SCAMP1: variants seen among roughly 807,000 people sequenced by gnomAD.
SCAMP1 encodes the protein secretory carrier membrane protein 1.
A neutral mutation model predicts 41.8 loss-of-function variants in SCAMP1; 15 were observed. The observed-to-expected ratio is 0.36, with a 90% CI of 0.24 to 0.55. SCAMP1 has a LOEUF of 0.55. Ranked by LOEUF, SCAMP1 falls within the 20% of genes least tolerant of loss-of-function variation. The pLI is 0.86. For synonymous variants in SCAMP1, 135 were observed against 136.8 expected, an observed-to-expected ratio of 0.99 and a Z score of 0.09; for missense variants, 341 against 412.6, an observed-to-expected ratio of 0.83 and a Z score of 1.50.
At chr5:78,468,103 C>T (rs185315955) in intron 8 of SCAMP1, among the ~76,000 whole-genome samples, 8 of 152,146 alleles carry the variant, frequency 5.3e-5, no homozygotes, top group East Asian at 3.9e-4. Flanking sequence ...TTGGTAATTT[C>T]GTTGGCTTTC....
chr5:78,396,361 G>T (rs570858624), intron 2 of SCAMP1, among the ~76,000 whole-genome samples: 47 of 152,238 alleles, frequency 3.1e-4, no homozygotes, highest in African/African-American at 1.1e-3. Flanking sequence ...AGGGATATAT[G>T]GAAAATCTCT....
chr5:78,432,104 C>T (rs988704222), intron 6 of SCAMP1, among the ~76,000 whole-genome samples: 2 of 152,026 alleles, frequency 1.3e-5, no homozygotes, highest in African/African-American at 2.4e-5. Flanking sequence ...TCTACCTCTC[C>T]GGTGCCCTGG....
chr5:78,449,607 A>G (rs906970851), intron 6 of SCAMP1, among the ~76,000 whole-genome samples: 3 of 152,182 alleles, frequency 2.0e-5, no homozygotes, highest in African/African-American at 7.2e-5. Flanking sequence ...TTGTGTGTTG[A>G]TTGTAATTCT....
intron 1 of SCAMP1, among the ~76,000 whole-genome samples, chr5:78,373,687 C>G (rs1461237419): frequency 6.6e-6 from 1 of 152,006 alleles, no homozygotes; most frequent in African/African-American, 2.4e-5. Context: ...TCATGTAGTT[C>G]CTATAGCTCA....
chr5:78,466,295 C>T (rs1187887416), intron 8 of SCAMP1, among the ~76,000 whole-genome samples: 1 of 152,106 alleles, frequency 6.6e-6, no homozygotes, highest in Admixed American at 6.5e-5. Flanking sequence ...TGGTGGGCCC[C>T]CCAATTCAGT....
At chr5:78,427,589 CGT>C (rs1752499733) in intron 6 of SCAMP1, among the ~76,000 whole-genome samples, 1 of 151,852 alleles carries the variant, frequency 6.6e-6, no homozygotes, top group Non-Finnish European at 1.5e-5. Flanking sequence ...TTTTTTAAAA[CGT>C]GTCTAAATTT....
intron 8 of SCAMP1, among the ~76,000 whole-genome samples, chr5:78,474,952 G>T (rs778718583): frequency 6.6e-6 from 1 of 152,072 alleles, no homozygotes; most frequent in Non-Finnish European, 1.5e-5. Flanking sequence ...CATTCTTTAG[G>T]ACTTGACCAT....
At chr5:78,374,689 G>A (rs750036023) in intron 1 of SCAMP1, among the ~76,000 whole-genome samples, 2 of 151,922 alleles carry the variant, frequency 1.3e-5, no homozygotes, top group Non-Finnish European at 2.9e-5. Flanking sequence ...TCTATAGAGT[G>A]TACTCGATAA....
chr5:78,443,586 G>A (rs1289646098), intron 6 of SCAMP1, among the ~76,000 whole-genome samples: 2 of 149,272 alleles, frequency 1.3e-5, no homozygotes, highest in Non-Finnish European at 3.0e-5. Flanking sequence ...TAGGTGGGAA[G>A]AAGAGAGTTC....
intron 6 of SCAMP1, among the ~76,000 whole-genome samples, chr5:78,434,372 A>G (rs1310338267): frequency 1.3e-5 from 2 of 152,170 alleles, no homozygotes; most frequent in African/African-American, 4.8e-5. Context: ...TGATTTTGCA[A>G]ATGAATGTTT....
intron 7 of SCAMP1, among the ~76,000 whole-genome samples, chr5:78,450,829 T>G (rs1312630069): frequency 1.3e-5 from 2 of 152,236 alleles, no homozygotes; most frequent in African/African-American, 4.8e-5. Context: ...GACTTACATT[T>G]AGTATTCTGC....
intron 1 of SCAMP1, chr5:78,361,008 C>T: frequency 2.4e-6 from 1 of 412,272 alleles, no homozygotes; most frequent in Non-Finnish European, 4.4e-6. Context: ...TGGGCCCGCG[C>T]GCCCGGAGGG....
rs78441599 is a variant in SCAMP1 at position 78,419,409 on chromosome 5, CT to C, written c.472+508del. Among the ~76,000 whole-genome samples, 123 of 152,256 alleles carry C rather than the reference CT, an allele frequency of 8.1e-4. 3 individuals are homozygous for C. The East Asian group carries it at 0.01, about 12-fold the overall frequency. On this transcript the variant is annotated intron_variant, in intron 5 of 8. Transcript: ENST00000621999. The stretch of plus-strand genomic sequence containing the variant: ...TGCGATACTTTTATTATTGAAAGTG[CT>C]TAATTAATACAGGACATTTTGTTGA...
At chr5:78,379,720 T>C (rs1255844544) in intron 1 of SCAMP1, among the ~76,000 whole-genome samples, 1 of 152,172 alleles carries the variant, frequency 6.6e-6, no homozygotes, top group Admixed American at 6.5e-5. Flanking sequence ...GTATTTAAGG[T>C]GAATTTTAGC....
At position 78,448,717 on chromosome 5, in the gene SCAMP1, C is replaced by G. The variant is rs186352937; in HGVS notation, c.633-1216C>G. 9.2e-5 allele frequency among the ~76,000 whole-genome samples: 14 copies of G among 152,290 alleles called. No homozygotes were observed. The East Asian group carries it at 9.7e-4, about 11-fold the overall frequency. On this transcript the variant is annotated intron_variant, in intron 6 of 8. Coordinates refer to ENST00000621999, the MANE Select transcript of SCAMP1 (RefSeq NM_004866.6). ...CAGTGGGGATGAAAAGTAGAACAAC[C>G]AGGCTGGGCACAGTGGCTCATGCCT...
intron 1 of SCAMP1, among the ~76,000 whole-genome samples, chr5:78,376,518 T>C (rs182533945): frequency 6.6e-6 from 1 of 152,346 alleles, no homozygotes; most frequent in African/African-American, 2.4e-5. Flanking sequence ...CTCCAGTTCT[T>C]AGCAGTCACT....
chr5:78,372,461 T>C (rs1750964898), intron 1 of SCAMP1, among the ~76,000 whole-genome samples: 1 of 152,124 alleles, frequency 6.6e-6, no homozygotes, highest in African/African-American at 2.4e-5. Context: ...GGGGGAAGGT[T>C]CATTTGTGAT....
intron 6 of SCAMP1, among the ~76,000 whole-genome samples, chr5:78,438,314 T>G (rs1055654498): frequency 6.6e-6 from 1 of 152,192 alleles, no homozygotes; most frequent in Non-Finnish European, 1.5e-5. Context: ...ATAGGGTGTC[T>G]ATTTTAGATC....
At position 78,477,703 on chromosome 5, in the gene SCAMP1, CTTTT is replaced by C. The variant is rs1326561193; in HGVS notation, c.*2039_*2042del. ...CAAAGAATAATTAGAACCCACATAT[CTTTT>C]TTTGTGTGGATGGGGAAAATGTTTT... is the stretch of plus-strand genomic sequence containing the variant. On this transcript the variant is annotated 3_prime_UTR_variant, in exon 9 of 9. Coordinates refer to ENST00000621999, the MANE Select transcript of SCAMP1 (RefSeq NM_004866.6). The C allele has an allele frequency of 5.9e-5, 9 of 152,018 alleles. 1 individual carries two copies. Among genetic ancestry groups the C allele is most frequent in the Admixed American group, 5.9e-4 (9 of 15,268 alleles). The allele number at this position is 152,018 out of a possible 1,614,324, so 9.4% of individuals were successfully genotyped here.
Sources: allele counts gnomAD v4.1 joint callset (sites outside exome capture counted in the v4.1 genomes callset), GRCh38; gene constraint gnomAD v4.1.1; transcripts MANE v1.5; gene names NCBI Gene and HGNC (gene_info 2026-07-23, HGNC 2026-07-21).